The following SLC7A9 variants were observed in gnomAD, a reference collection of about 807,000 sequenced individuals.
The protein encoded by SLC7A9 is B(0,+)-type amino acid transporter 1.
Under a neutral mutation model 54.1 loss-of-function variants are expected in SLC7A9, and 38 were observed. The ratio of observed to expected loss-of-function variants is 0.70; its 90% confidence interval spans 0.54 to 0.92. The LOEUF is 0.92. Among genes scored for constraint, SLC7A9 ranks in the 40% least tolerant of loss-of-function variants. SLC7A9 has a pLI of 0.00. For synonymous variants in SLC7A9, 264 were observed against 258.9 expected (o/e 1.02, Z -0.19); for missense variants, 537 against 636.1 (o/e 0.84, Z 1.68).
intron 12 of SLC7A9, chr19:32,831,214 AAAG>A (rs1967777828): frequency 6.4e-6 from 1 of 156,718 alleles, no homozygotes; most frequent in African/African-American, 2.6e-5. Flanking sequence ...AAAAAAAAAG[AAAG>A]AAAGAAATAG....
At chr19:32,859,781 C>G (rs1968738655) in intron 8 of SLC7A9, 60 bp downstream of exon 8, 2 of 1,412,238 alleles carry the variant, frequency 1.4e-6, no homozygotes, top group Non-Finnish European at 2.0e-6. Context: ...AGTGCTGACA[C>G]CTGCCTTACC....
At chr19:32,863,048 G>C (rs547806862) in intron 4 of SLC7A9, 1 of 153,016 alleles carries the variant, frequency 6.5e-6, no homozygotes, top group Non-Finnish European at 1.5e-5. Context: ...CAACCCTGGC[G>C]ATCAGTGGGG....
chr19:32,840,488 C>T (rs1019489010), intron 11 of SLC7A9, among the ~76,000 whole-genome samples: 5 of 152,076 alleles, frequency 3.3e-5, no homozygotes, highest in Non-Finnish European at 7.4e-5. Context: ...TTCCTTCTTG[C>T]CCACTCTTTA....
At chr19:32,830,764 G>A in intron 12 of SLC7A9, 80 bp from the exon 13 acceptor site, 1 of 1,158,002 alleles carries the variant, frequency 8.6e-7, no homozygotes, top group Non-Finnish European at 1.3e-6. Flanking sequence ...GGGTGAGGGT[G>A]ACATTGTTTT....
Position 32,868,609 on chromosome 19 carries a change from A to T in SLC7A9, c.-75T>A, listed in dbSNP as rs1371729481. ...TCTTGGTTCAGCAGCAGCAGACAAG[A>T]CGCAAGTGCAAGCTCGGCCTGGACT... On this transcript the variant is annotated 5_prime_UTR_variant, in exon 2 of 13. Transcript: ENST00000023064. 1.6e-6 allele frequency: 2 copies of T among 1,270,962 alleles called. No homozygotes were observed. The highest frequency in any genetic ancestry group is 1.2e-6 in the Non-Finnish European group (1 of 868,366). 78.7% of individuals were successfully genotyped at this position (1,270,962 alleles called of 1,614,324 possible).
rs540143735 is a variant in SLC7A9 at position 32,867,522 on chromosome 19, A to T, written c.87+926T>A. 9.9e-5 allele frequency among the ~76,000 whole-genome samples: 15 copies of T among 151,848 alleles called. No homozygotes were observed. The South Asian group carries it at 3.1e-3, about 32-fold the overall frequency. ...ACAGAGTAAGACCCTGACTCTAAAA[A>T]AATTTTTTTAAAAATTTTTAAAAAG... On this transcript the variant is annotated intron_variant, in intron 2 of 12. Coordinates refer to ENST00000023064, the MANE Select transcript of SLC7A9 (RefSeq NM_014270.5).
rs1330978256 is a variant in SLC7A9, at chr19:32,830,569, A to G, written c.*51T>C. 1.5e-6 allele frequency: 2 copies of G among 1,369,742 alleles called. No individual in the cohort carries two copies. Among genetic ancestry groups the G allele is most frequent in the Admixed American group, 1.7e-5 (1 of 59,692 alleles). The allele number at this position is 1,369,742 out of a possible 1,614,324, so 84.8% of individuals were successfully genotyped here. A position where few individuals can be genotyped will look rare whatever the true frequency, so the allele number is the denominator to read the frequency against. ...AAAAAAGGAAGAAATAACCACAAAT[A>G]TTGCTTAAGAAAATAAATTCAGCTG... On this transcript the variant is annotated 3_prime_UTR_variant, in exon 13 of 13. Coordinates refer to ENST00000023064, the MANE Select transcript of SLC7A9 (RefSeq NM_014270.5).
At chr19:32,869,533 T>TG (rs1969076092) in intron 1 of SLC7A9, 153 bp downstream of exon 1, 1 of 152,104 alleles carries the variant, frequency 6.6e-6, no homozygotes, top group Admixed American at 6.6e-5. Flanking sequence ...CATTGAGTGA[T>TG]GAAAGGAAAG....
Position 32,864,162 on chromosome 19 carries a change from C to T in SLC7A9, c.412G>A (p.Ala138Thr), listed in dbSNP as rs751781309. ...GGCTTGCAGCCCACATAGAAGGGCGCACACACATACTCGGAGAAGCTGAGG... is the reference window on the plus strand; with the variant it reads ...GGCTTGCAGCCCACATAGAAGGGCGTACACACATACTCGGAGAAGCTGAGG... The part of the protein sequence containing the change: ...ICLSFSEYVC[A>T]PFYVGCKPPQ... Residue 138 changes from alanine to threonine, a missense_variant, in exon 4 of 13, where the codon GCG becomes ACG. Coordinates refer to ENST00000023064, the MANE Select transcript of SLC7A9 (RefSeq NM_014270.5). 1 of 1,613,780 alleles carries T rather than the reference C, an allele frequency of 6.2e-7. No homozygotes were observed. The highest frequency in any genetic ancestry group is 8.5e-7 in the Non-Finnish European group (1 of 1,179,616).
intron 9 of SLC7A9, among the ~76,000 whole-genome samples, chr19:32,852,628 A>T (rs1171601102): frequency 6.6e-6 from 1 of 152,190 alleles, no homozygotes; most frequent in Non-Finnish European, 1.5e-5. Context: ...CTTAACTTTG[A>T]ATTGATATGA....
In SLC7A9 at chr19:32,839,283, G is replaced by A. The variant is rs373719101; in HGVS notation, c.1224+2885C>T. On this transcript the variant is annotated intron_variant, in intron 11 of 12. Transcript: ENST00000023064. The stretch of plus-strand genomic sequence containing the variant: ...AGGTCTCATGTAATTGGCGGGGCAC[G>A]GTGGCTCACACCTGTAATCCCAGCA... 1.2e-4 allele frequency among the ~76,000 whole-genome samples: 18 copies of A among 152,052 alleles called. No individual in the cohort carries two copies. In the East Asian group the frequency reaches 1.5e-3, roughly 13 times the overall value.
intron 8 of SLC7A9, 115 bp from the exon 9 acceptor site, chr19:32,858,658 C>G: frequency 1.3e-6 from 1 of 753,508 alleles, no homozygotes; most frequent in East Asian, 2.7e-5. Flanking sequence ...CGCCTCGGGG[C>G]ACAGCCTCTG....
chr19:32,832,992 G>T, intron 12 of SLC7A9, 157 bp downstream of exon 12: 1 of 761,118 alleles, frequency 1.3e-6, no homozygotes, highest in Non-Finnish European at 2.4e-6. Flanking sequence ...GGACCCAGAG[G>T]TGTACAGTGA....
intron 7 of SLC7A9, 137 bp from the exon 8 acceptor site, chr19:32,860,101 T>C: frequency 6.4e-7 from 1 of 1,559,930 alleles, no homozygotes; most frequent in Non-Finnish European, 8.7e-7. Context: ...CATTTTCAAA[T>C]GAGAATGCTG....
intron 10 of SLC7A9, among the ~76,000 whole-genome samples, chr19:32,842,842 A>G (rs1226162771): frequency 6.6e-6 from 1 of 152,044 alleles, no homozygotes; most frequent in Non-Finnish European, 1.5e-5. Flanking sequence ...AAAAACCGCA[A>G]TTACTTTTGC....
intron 9 of SLC7A9, among the ~76,000 whole-genome samples, chr19:32,852,905 C>CTTTT (rs56119122): frequency 1.4e-4 from 14 of 97,584 alleles, no homozygotes; most frequent in East Asian, 3.8e-4. Context: ...AAGCTATAAA[C>CTTTT]TTTTTTTTTT....
chr19:32,865,380 T>G (rs933403285), intron 2 of SLC7A9, among the ~76,000 whole-genome samples: 10 of 152,244 alleles, frequency 6.6e-5, no homozygotes, highest in Non-Finnish European at 1.0e-4. Flanking sequence ...CATGGCTCAC[T>G]GCAGCCTCGA....
rs772826926 is a variant in SLC7A9, at chr19:32,843,886, C to T, written c.1043G>A (p.Arg348His). ...GATGATGGCGGGGGCTGGAGTGAGG[C>T]GCCTGACGCTGATGTAAGAAAGCAC... ...LKVLSYISVR[R>H]LTPAPAIIFY... Residue 348 changes from arginine to histidine, a missense_variant, in exon 10 of 13, where the codon CGC becomes CAC. Coordinates refer to ENST00000023064, the MANE Select transcript of SLC7A9 (RefSeq NM_014270.5). 42 of 1,613,696 alleles carry T rather than the reference C, an allele frequency of 2.6e-5. No individual in the cohort carries two copies. Among genetic ancestry groups the T allele is most frequent in the Middle Eastern group, 1.7e-4 (1 of 5,994 alleles).
chr19:32,851,864 C>T (rs1236400764), intron 9 of SLC7A9, among the ~76,000 whole-genome samples: 2 of 152,096 alleles, frequency 1.3e-5, no homozygotes, highest in Admixed American at 1.3e-4. Context: ...AGTTCATGTC[C>T]TTTGTAGGGA....
Sources: gnomAD v4.1 joint callset for allele counts (sites outside exome capture counted in the v4.1 genomes callset) on GRCh38, gnomAD v4.1.1 for gene constraint, MANE v1.5 for transcripts, NCBI Gene and HGNC (gene_info 2026-07-23, HGNC 2026-07-21) for gene names.